OTUD7A: variants seen among roughly 807,000 people sequenced by gnomAD.
OTUD7A encodes OTU deubiquitinase 7A.
A neutral mutation model predicts 65.7 loss-of-function variants in OTUD7A; 12 were observed. The ratio of observed to expected loss-of-function variants is 0.18; its 90% confidence interval spans 0.12 to 0.30. OTUD7A has a LOEUF of 0.30. Ranked by LOEUF, OTUD7A falls within the 10% of genes least tolerant of loss-of-function variation. The pLI is 1.00. For missense variants in OTUD7A, 1,148 were observed against 1,304.8 expected (o/e 0.88, Z 1.85); for synonymous variants, 641 against 586.3 (o/e 1.09, Z -1.35).
intron 10 of OTUD7A, among the ~76,000 whole-genome samples, chr15:31,499,769 T>C (rs905676647): frequency 1.3e-5 from 2 of 152,132 alleles, no homozygotes; most frequent in African/African-American, 4.8e-5. Flanking sequence ...GTGGGCTGCT[T>C]TGACTGTGAG....
rs192311415 is a variant in OTUD7A at position 31,548,174 on chromosome 15, C to A, written c.550+10795G>T. ...GTTAAATGTAAAGCTTGGGGACTGC[C>A]GTGATTTGTGGGCCTCCCGGGCCAC... On this transcript the variant is annotated intron_variant, in intron 5 of 12. Transcript: ENST00000307050. 7.2e-4 allele frequency among the ~76,000 whole-genome samples: 107 copies of A among 147,774 alleles called. No individual in the cohort carries two copies. In the East Asian group the frequency reaches 0.019, roughly 27 times the overall value.
At chr15:31,826,794 T>TA (rs1185571438) in intron 1 of OTUD7A, among the ~76,000 whole-genome samples, 1 of 152,170 alleles carries the variant, frequency 6.6e-6, no homozygotes, top group Non-Finnish European at 1.5e-5. Flanking sequence ...CCAAGTACCC[T>TA]AAATCATCTC....
intron 5 of OTUD7A, among the ~76,000 whole-genome samples, chr15:31,546,250 C>T (rs1225152651): frequency 1.3e-5 from 2 of 152,148 alleles, no homozygotes; most frequent in Non-Finnish European, 2.9e-5. Context: ...GAAACCTGTA[C>T]AAGAATGTTC....
chr15:31,771,892 T>C (rs1392302380), intron 1 of OTUD7A, among the ~76,000 whole-genome samples: 1 of 152,136 alleles, frequency 6.6e-6, no homozygotes, highest in Non-Finnish European at 1.5e-5. Context: ...CCTGGACCTA[T>C]ATTTATTCTC....
chr15:31,842,256 G>A (rs1348001914), intron 1 of OTUD7A, among the ~76,000 whole-genome samples: 1 of 152,250 alleles, frequency 6.6e-6, no homozygotes, highest in African/African-American at 2.4e-5. Flanking sequence ...CAGTGTGGGT[G>A]TGTTCTGTGT....
intron 1 of OTUD7A, among the ~76,000 whole-genome samples, chr15:31,699,784 G>A (rs577612281): frequency 6.6e-6 from 1 of 152,014 alleles, no homozygotes; most frequent in South Asian, 2.1e-4. Context: ...ATCCCTTCTT[G>A]TCAATAAACC....
intron 5 of OTUD7A, among the ~76,000 whole-genome samples, chr15:31,537,570 T>C (rs1887846622): frequency 6.6e-6 from 1 of 152,228 alleles, no homozygotes; most frequent in East Asian, 1.9e-4. Flanking sequence ...CTTAGTCACT[T>C]CTTTGTCTCT....
chr15:31,530,663 A>T, intron 6 of OTUD7A, 44 bp downstream of exon 6: 8 of 1,540,260 alleles, frequency 5.2e-6, no homozygotes, highest in Non-Finnish European at 7.1e-6. Context: ...TTCCTTACGC[A>T]GGCCTGGAGC....
At chr15:31,517,651 T>A (rs1345278265) in intron 8 of OTUD7A, among the ~76,000 whole-genome samples, 1 of 152,162 alleles carries the variant, frequency 6.6e-6, no homozygotes, top group Admixed American at 6.5e-5. Context: ...TACATCTGCT[T>A]CTCCAGTGGG....
intron 1 of OTUD7A, among the ~76,000 whole-genome samples, chr15:31,862,323 C>T (rs191934650): frequency 5.6e-4 from 85 of 152,282 alleles, no homozygotes; most frequent in Non-Finnish European, 1.0e-3. Flanking sequence ...GGAGACATAA[C>T]CGGCTTCCTG....
chr15:31,569,901 A>AATAT (rs1324431523), intron 4 of OTUD7A, 117 bp downstream of exon 4: 1 of 1,090,166 alleles, frequency 9.2e-7, no homozygotes, highest in Non-Finnish European at 1.3e-6. Context: ...CTGAGAGGCC[A>AATAT]ATATGTCTGC....
chr15:31,849,498 G>A (rs1013977008), intron 1 of OTUD7A, among the ~76,000 whole-genome samples: 1 of 152,138 alleles, frequency 6.6e-6, no homozygotes, highest in African/African-American at 2.4e-5. Flanking sequence ...CATGGGCAAG[G>A]ACTTCATGAC....
At chr15:31,656,194 A>C (rs1485536832) in intron 2 of OTUD7A, among the ~76,000 whole-genome samples, 1 of 152,242 alleles carries the variant, frequency 6.6e-6, no homozygotes, top group Non-Finnish European at 1.5e-5. Context: ...TGACTGTAGC[A>C]GCTGACTGCT....
Position 31,484,494 on chromosome 15 carries a change from C to T in OTUD7A, c.1602G>A (p.Lys534=). The T allele has an allele frequency of 3.7e-6, 6 of 1,608,908 alleles. No individual in the cohort carries two copies. Among genetic ancestry groups the T allele is most frequent in the Non-Finnish European group, 5.1e-6 (6 of 1,179,974 alleles). The change falls in exon 13 of 13, where the codon AAG becomes AAA. Residue 534 remains lysine, a synonymous_variant. Transcript: ENST00000307050. This position sits in a 1 kb window ranked among gnomAD's most constrained non-coding sequence, Gnocchi z 4.5. ...CGAGGCCGCCCATGTTTTTCTTCAG[C>T]TTGATGCCCAGCGTCTTGCTGAAGC... ...LGSFSKTLGI[K]LKKNMGGLGG...
At chr15:31,610,081 C>T (rs1431792022) in intron 3 of OTUD7A, among the ~76,000 whole-genome samples, 1 of 151,950 alleles carries the variant, frequency 6.6e-6, no homozygotes, top group Non-Finnish European at 1.5e-5. Flanking sequence ...TTCCCTCTGA[C>T]AGAGCCTACC....
chr15:31,760,029 A>G (rs922077313), intron 1 of OTUD7A, among the ~76,000 whole-genome samples: 3 of 152,214 alleles, frequency 2.0e-5, no homozygotes, highest in African/African-American at 4.8e-5. Context: ...TCACTTTGTT[A>G]TTCCCCAAGA....
chr15:31,847,668 A>C (rs1331789903), intron 1 of OTUD7A, among the ~76,000 whole-genome samples: 1 of 152,180 alleles, frequency 6.6e-6, no homozygotes, highest in Non-Finnish European at 1.5e-5. Context: ...AGATTCACAA[A>C]GCCATGCGGA....
intron 12 of OTUD7A, among the ~76,000 whole-genome samples, chr15:31,486,074 G>A (rs1171400760): frequency 6.6e-6 from 1 of 152,186 alleles, no homozygotes; most frequent in African/African-American, 2.4e-5. Flanking sequence ...TGGCTGGAAG[G>A]ACCCTTCCCA....
chr15:31,509,209 A>G (rs139352966), intron 8 of OTUD7A, among the ~76,000 whole-genome samples: 9 of 152,224 alleles, frequency 5.9e-5, no homozygotes, highest in African/African-American at 2.2e-4. Context: ...GTTTACAGAA[A>G]AATTGGATAC....
Sources: allele counts gnomAD v4.1 joint callset (sites outside exome capture counted in the v4.1 genomes callset), GRCh38; gene constraint gnomAD v4.1.1; non-coding constraint Gnocchi (gnomAD v3.1); transcripts MANE v1.5; gene names NCBI Gene and HGNC (gene_info 2026-07-23, HGNC 2026-07-21).